Variants in OXR1 observed in about 807,000 individuals in gnomAD.
OXR1 encodes the protein oxidation resistance protein 1.
Under a neutral mutation model 104.6 loss-of-function variants are expected in OXR1, and 41 were observed. That is an observed-to-expected ratio of 0.39 (90% CI 0.31 to 0.51). OXR1 has a LOEUF of 0.51. Ranked by LOEUF, OXR1 falls within the 20% of genes least tolerant of loss-of-function variation. The pLI, the probability that OXR1 is intolerant of heterozygous loss-of-function variation, is 0.77. For synonymous variants in OXR1, 348 were observed against 348.4 expected, an observed-to-expected ratio of 1.00 and a Z score of 0.01; for missense variants, 955 against 1,031.9, an observed-to-expected ratio of 0.93 and a Z score of 1.02.
At chr8:106,463,584 C>A (rs1375449128) in intron 2 of OXR1, among the ~76,000 whole-genome samples, 1 of 152,072 alleles carries the variant, frequency 6.6e-6, no homozygotes, top group Non-Finnish European at 1.5e-5. Flanking sequence ...TGATGGAAGG[C>A]TGAGCAATGT....
intron 1 of OXR1, among the ~76,000 whole-genome samples, chr8:106,287,748 C>T (rs774432850): frequency 2.6e-5 from 4 of 151,950 alleles, no homozygotes; most frequent in Non-Finnish European, 4.4e-5. Context: ...TAAACTATTG[C>T]CTTGGTGACA....
chr8:106,527,562 A>C (rs1195498913), intron 3 of OXR1, among the ~76,000 whole-genome samples: 1 of 152,212 alleles, frequency 6.6e-6, no homozygotes, highest in Non-Finnish European at 1.5e-5. Flanking sequence ...CCTGCCTAGA[A>C]TAGTGATACC....
At position 106,692,728 on chromosome 8, in the gene OXR1, A is replaced by G; in HGVS notation, c.526A>G (p.Asn176Asp). The part of the protein sequence containing the change: ...SSEAEFDKTT[N>D]PDVHPTEATP... ...TCTTTCCTTTAAAAAAAAAAAAAAGAATCCTGATGTCCATCCAACAGAAGC... is the reference window on the plus strand; with the variant it reads ...TCTTTCCTTTAAAAAAAAAAAAAAGGATCCTGATGTCCATCCAACAGAAGC... The change falls in exon 7 of 17, where the codon AAT becomes GAT. Residue 176 changes from asparagine to aspartate, a missense_variant and splice_region_variant. Asn to Asp is a conservative substitution (Grantham distance 23). Transcript: ENST00000517566. 1 of 1,424,006 alleles carries G rather than the reference A, an allele frequency of 7.0e-7. No homozygotes were observed. Among genetic ancestry groups the G allele is most frequent in the Non-Finnish European group, 9.3e-7 (1 of 1,077,362 alleles). 88.2% of individuals were successfully genotyped at this position (1,424,006 alleles called of 1,614,324 possible).
chr8:106,277,188 T>C lies in OXR1; in HGVS notation c.-139+6821T>C, dbSNP rs563741853. On this transcript the variant is annotated intron_variant, in intron 1 of 16. Coordinates refer to ENST00000517566, the MANE Select transcript of OXR1 (RefSeq NM_001198533.2). ...AATTGGAATAATGAAAGAGTTAAAA[T>C]TGGAAACCAGAACAGATGGAAACTT... is the stretch of plus-strand genomic sequence containing the variant. Among the ~76,000 whole-genome samples, 26 of 152,320 alleles carry C rather than the reference T, an allele frequency of 1.7e-4. No homozygotes were observed. In the South Asian group the frequency reaches 5.2e-3, roughly 30 times the overall value.
At chr8:106,634,713 C>T (rs548842934) in intron 3 of OXR1, among the ~76,000 whole-genome samples, 1 of 151,988 alleles carries the variant, frequency 6.6e-6, no homozygotes, top group African/African-American at 2.4e-5. Flanking sequence ...GACTTAACAT[C>T]ATTTACTTAA....
intron 2 of OXR1, among the ~76,000 whole-genome samples, chr8:106,398,600 A>G (rs1233003143): frequency 1.3e-5 from 2 of 152,162 alleles, no homozygotes; most frequent in Non-Finnish European, 2.9e-5. Flanking sequence ...TGTAAGGTTC[A>G]AGCACACAGG....
At chr8:106,336,918 A>G (rs1814991356) in intron 1 of OXR1, among the ~76,000 whole-genome samples, 1 of 152,154 alleles carries the variant, frequency 6.6e-6, no homozygotes, top group Non-Finnish European at 1.5e-5. Context: ...GCTAATTCAA[A>G]ATTTGTTAGG....
intron 3 of OXR1, among the ~76,000 whole-genome samples, chr8:106,547,838 A>C (rs187750188): frequency 6.6e-6 from 1 of 152,266 alleles, no homozygotes. Context: ...ATATTATTCC[A>C]TCCTGTGTCA....
chr8:106,389,668 A>G (rs1246068773), intron 2 of OXR1, among the ~76,000 whole-genome samples: 1 of 152,174 alleles, frequency 6.6e-6, no homozygotes, highest in African/African-American at 2.4e-5. Flanking sequence ...CCTCAATAAA[A>G]CTGATATTTC....
chr8:106,415,864 G>A (rs1389844652), intron 2 of OXR1, among the ~76,000 whole-genome samples: 2 of 152,106 alleles, frequency 1.3e-5, no homozygotes, highest in African/African-American at 2.4e-5. Context: ...TGCGTTTGAT[G>A]CATAGCATGG....
At chr8:106,687,459 G>A (rs1223152760) in intron 6 of OXR1, among the ~76,000 whole-genome samples, 2 of 152,034 alleles carry the variant, frequency 1.3e-5, no homozygotes, top group African/African-American at 2.4e-5. Context: ...AGTGGCTCAC[G>A]CTGGTAATCC....
At chr8:106,330,052 A>T (rs1284359022) in intron 1 of OXR1, among the ~76,000 whole-genome samples, 1 of 152,194 alleles carries the variant, frequency 6.6e-6, no homozygotes, top group Non-Finnish European at 1.5e-5. Flanking sequence ...TGATTTAGCC[A>T]CAGCAACCTT....
chr8:106,320,760 C>T (rs1159491019), intron 1 of OXR1, among the ~76,000 whole-genome samples: 1 of 152,104 alleles, frequency 6.6e-6, no homozygotes, highest in African/African-American at 2.4e-5. Context: ...CAGTCTCTGC[C>T]TCCTGGGTTC....
At chr8:106,337,849 G>A (rs1815027262) in intron 1 of OXR1, among the ~76,000 whole-genome samples, 1 of 152,030 alleles carries the variant, frequency 6.6e-6, no homozygotes, top group South Asian at 2.1e-4. Flanking sequence ...GCACTATCAG[G>A]ACAATTTTTA....
intron 3 of OXR1, among the ~76,000 whole-genome samples, chr8:106,577,559 T>G (rs1817944877): frequency 6.6e-6 from 1 of 151,710 alleles, no homozygotes; most frequent in South Asian, 2.1e-4. Context: ...CCGGCTAATT[T>G]TTTGTATTTT....
intron 2 of OXR1, among the ~76,000 whole-genome samples, chr8:106,465,728 T>C (rs1452852122): frequency 1.3e-5 from 2 of 152,036 alleles, no homozygotes; most frequent in Non-Finnish European, 2.9e-5. Context: ...AGACTAGAGC[T>C]GTCATTAGCA....
intron 2 of OXR1, among the ~76,000 whole-genome samples, chr8:106,480,518 A>G (rs1438733962): frequency 6.6e-6 from 1 of 151,968 alleles, no homozygotes; most frequent in Non-Finnish European, 1.5e-5. Flanking sequence ...TTGAGTGTTA[A>G]ACTATAGAAG....
At chr8:106,497,351 T>C (rs942821892) in intron 2 of OXR1, among the ~76,000 whole-genome samples, 1 of 152,232 alleles carries the variant, frequency 6.6e-6, no homozygotes, top group Non-Finnish European at 1.5e-5. Context: ...CGTTGGTAGT[T>C]AGTCACTTTT....
chr8:106,713,729 GTCT>G (rs1831945041), intron 10 of OXR1, 91 bp from the exon 11 acceptor site: 3 of 660,716 alleles, frequency 4.5e-6, no homozygotes, highest in Non-Finnish European at 7.2e-6. Context: ...TATATTTTAA[GTCT>G]TCAAGATTTA....
Sources: allele counts gnomAD v4.1 joint callset (sites outside exome capture counted in the v4.1 genomes callset), GRCh38; gene constraint gnomAD v4.1.1; transcripts MANE v1.5; gene names NCBI Gene and HGNC (gene_info 2026-07-23, HGNC 2026-07-21).